CDK6: variants seen among roughly 807,000 people sequenced by gnomAD.
CDK6 encodes cyclin dependent kinase 6, also known as cyclin-dependent kinase 6.
A neutral mutation model predicts 37.1 loss-of-function variants in CDK6; 6 were observed. The ratio of observed to expected loss-of-function variants is 0.16; its 90% confidence interval spans 0.09 to 0.32. The LOEUF (loss-of-function observed/expected upper bound fraction) is 0.32, where lower values mean the gene tolerates loss of function less well. Among genes scored for constraint, CDK6 ranks in the 10% least tolerant of loss-of-function variants. CDK6 has a pLI of 1.00. For missense variants in CDK6, 224 were observed against 418.9 expected (o/e 0.53, Z 4.06); for synonymous variants, 160 against 161.3 (o/e 0.99, Z 0.06).
intron 3 of CDK6, among the ~76,000 whole-genome samples, chr7:92,750,297 G>A (rs1799158998): frequency 6.6e-6 from 1 of 152,150 alleles, no homozygotes; most frequent in African/African-American, 2.4e-5. Flanking sequence ...TAAACATAAA[G>A]TGGGGAGAGG....
intron 4 of CDK6, among the ~76,000 whole-genome samples, chr7:92,691,634 C>T (rs1797602092): frequency 1.3e-5 from 2 of 152,186 alleles, no homozygotes; most frequent in Non-Finnish European, 2.9e-5. Context: ...GCAATACCAT[C>T]ATATGCAAGC....
At chr7:92,800,642 A>AG (rs972555908) in intron 2 of CDK6, among the ~76,000 whole-genome samples, 2 of 152,014 alleles carry the variant, frequency 1.3e-5, no homozygotes, top group Non-Finnish European at 2.9e-5. Context: ...CCTTGCATTC[A>AG]GGGGGGGCTC....
chr7:92,611,417 C>G lies in CDK6; in HGVS notation c.*3723G>C, dbSNP rs1226282328. On this transcript the variant is annotated 3_prime_UTR_variant, in exon 8 of 8. Coordinates refer to ENST00000424848, the MANE Select transcript of CDK6 (RefSeq NM_001145306.2). Reference sequence around the variant, plus strand: ...GCTTTTGGAAAATGTAAGACACTCTCATGTGCTTATCATAAGAATAGTCAA... The same window carrying G: ...GCTTTTGGAAAATGTAAGACACTCTGATGTGCTTATCATAAGAATAGTCAA... 2 of 227,064 alleles carry G rather than the reference C, an allele frequency of 8.8e-6. No homozygotes were observed. Among genetic ancestry groups the G allele is most frequent in the Admixed American group, 5.7e-5 (1 of 17,586 alleles). 14.1% of individuals were successfully genotyped at this position (227,064 alleles called of 1,614,324 possible).
At chr7:92,826,257 G>A (rs927963082) in intron 2 of CDK6, among the ~76,000 whole-genome samples, 1 of 152,120 alleles carries the variant, frequency 6.6e-6, no homozygotes, top group Non-Finnish European at 1.5e-5. Flanking sequence ...AGAGTCAGAA[G>A]AGGGCTGTCA....
chr7:92,614,352 CAT>C lies in CDK6; in HGVS notation c.*786_*787del. The C allele has an allele frequency of 9.4e-6, 2 of 212,998 alleles. No individual in the cohort carries two copies. Among genetic ancestry groups the C allele is most frequent in the African/African-American group, 7.5e-5 (2 of 26,828 alleles). 13.2% of individuals were successfully genotyped at this position (212,998 alleles called of 1,614,324 possible). A position where few individuals can be genotyped will look rare whatever the true frequency, so the allele number is the denominator to read the frequency against. On this transcript the variant is annotated 3_prime_UTR_variant, in exon 8 of 8. Transcript: ENST00000424848. ...CTATTTTCCAAAAGAAATGATAAAG[CAT>C]GATGTCATACAGAAGGTTAAAATAG...
chr7:92,628,986 C>T (rs1244584226), intron 5 of CDK6, among the ~76,000 whole-genome samples: 5 of 151,734 alleles, frequency 3.3e-5, no homozygotes, highest in South Asian at 2.1e-4. Context: ...AAAGGCAAAA[C>T]GGTATAGGAT....
intron 3 of CDK6, among the ~76,000 whole-genome samples, chr7:92,762,868 G>T (rs941530895): frequency 3.9e-5 from 6 of 152,138 alleles, no homozygotes. Context: ...ACCGCGCCCG[G>T]CCTAGAACAT....
At position 92,613,510 on chromosome 7, in the gene CDK6, A is replaced by G. The variant is rs929398561; in HGVS notation, c.*1630T>C. 1.3e-5 allele frequency: 3 copies of G among 233,592 alleles called. No homozygotes were observed. Among genetic ancestry groups the G allele is most frequent in the Admixed American group, 1.1e-4 (2 of 17,788 alleles). The allele number at this position is 233,592 out of a possible 1,614,324, so 14.5% of individuals were successfully genotyped here. The stretch of plus-strand genomic sequence containing the variant: ...ATAAGGCAGAGATGGTATGAAATAT[A>G]AAGGACTGTAGAGAAAACAGTAAGA... On this transcript the variant is annotated 3_prime_UTR_variant, in exon 8 of 8. Coordinates refer to ENST00000424848, the MANE Select transcript of CDK6 (RefSeq NM_001145306.2).
At chr7:92,663,687 C>T (rs956731362) in intron 5 of CDK6, among the ~76,000 whole-genome samples, 6 of 149,594 alleles carry the variant, frequency 4.0e-5, no homozygotes, top group East Asian at 2.0e-4. Flanking sequence ...GGCAACAGAG[C>T]GAGACTCTGT....
At chr7:92,650,410 G>A (rs1298946366) in intron 5 of CDK6, among the ~76,000 whole-genome samples, 1 of 151,906 alleles carries the variant, frequency 6.6e-6, no homozygotes, top group Non-Finnish European at 1.5e-5. Flanking sequence ...TTTATTCCAC[G>A]ATCTTTTGTT....
At chr7:92,739,002 A>T (rs1351065130) in intron 3 of CDK6, among the ~76,000 whole-genome samples, 1 of 152,184 alleles carries the variant, frequency 6.6e-6, no homozygotes, top group Non-Finnish European at 1.5e-5. Flanking sequence ...CTCTACAATT[A>T]GGACTGCTGA....
At chr7:92,679,045 T>C (rs1051308680) in intron 4 of CDK6, among the ~76,000 whole-genome samples, 2 of 152,298 alleles carry the variant, frequency 1.3e-5, no homozygotes, top group Non-Finnish European at 2.9e-5. Context: ...TGACTGCGAG[T>C]AAGACTCAGG....
intron 4 of CDK6, among the ~76,000 whole-genome samples, chr7:92,696,896 G>A (rs527336687): frequency 5.9e-5 from 9 of 152,068 alleles, no homozygotes; most frequent in Non-Finnish European, 1.2e-4. Flanking sequence ...AAATTTAACC[G>A]ATTCGCAAAA....
intron 2 of CDK6, among the ~76,000 whole-genome samples, chr7:92,802,671 C>T (rs933676886): frequency 6.6e-6 from 1 of 152,232 alleles, no homozygotes; most frequent in South Asian, 2.1e-4. Context: ...ATGATCATTT[C>T]CTCTATATAA....
intron 3 of CDK6, among the ~76,000 whole-genome samples, chr7:92,745,462 T>C (rs1180376619): frequency 6.6e-6 from 1 of 152,164 alleles, no homozygotes; most frequent in Non-Finnish European, 1.5e-5. Context: ...TCTGCAAGTT[T>C]CAGGCACGTG....
At chr7:92,642,866 G>A (rs1008160542) in intron 5 of CDK6, among the ~76,000 whole-genome samples, 1 of 151,436 alleles carries the variant, frequency 6.6e-6, no homozygotes, top group African/African-American at 2.4e-5. Flanking sequence ...GGAACTGCTA[G>A]TGGACTTGAG....
chr7:92,818,168 C>A (rs1801076056), intron 2 of CDK6, among the ~76,000 whole-genome samples: 1 of 151,782 alleles, frequency 6.6e-6, no homozygotes, highest in South Asian at 2.1e-4. Flanking sequence ...AAAACAAGAA[C>A]AAAGCTGGAA....
At chr7:92,784,659 G>A (rs904692321) in intron 2 of CDK6, among the ~76,000 whole-genome samples, 11 of 152,294 alleles carry the variant, frequency 7.2e-5, no homozygotes, top group East Asian at 5.8e-4. Flanking sequence ...AACTCAAGTC[G>A]CAAGCCCTAC....
chr7:92,640,346 T>C lies in CDK6; in HGVS notation c.648-17260A>G, dbSNP rs556606934. ...TAAACAGGAACCAGGTTTTTCTCTT[T>C]ATCATTTACTTTGACATAGTAGACT... On this transcript the variant is annotated intron_variant, in intron 5 of 7. Transcript: ENST00000424848. Among the ~76,000 whole-genome samples, 47 of 152,352 alleles carry C rather than the reference T, an allele frequency of 3.1e-4. No individual in the cohort carries two copies. The South Asian group carries it at 9.1e-3, about 30-fold the overall frequency.
Sources: allele counts gnomAD v4.1 joint callset (sites outside exome capture counted in the v4.1 genomes callset), GRCh38; gene constraint gnomAD v4.1.1; transcripts MANE v1.5; gene names NCBI Gene and HGNC (gene_info 2026-07-23, HGNC 2026-07-21).